The following ZCCHC7 variants were observed in gnomAD, a reference collection of about 807,000 sequenced individuals.
The protein encoded by ZCCHC7 is zinc finger CCHC domain-containing protein 7.
ZCCHC7 carries 35 observed loss-of-function variants against 52.0 expected under a neutral mutation model. That is an observed-to-expected ratio of 0.67 (90% CI 0.51 to 0.89). ZCCHC7 has a LOEUF of 0.89. Ranked by LOEUF, ZCCHC7 falls within the 40% of genes least tolerant of loss-of-function variation. The pLI, the probability that ZCCHC7 is intolerant of heterozygous loss-of-function variation, is 0.00. For missense variants in ZCCHC7, 574 were observed against 649.1 expected (o/e 0.88, Z 1.26); for synonymous variants, 217 against 221.5 (o/e 0.98, Z 0.18).
At chr9:37,247,716 C>T (rs1358203172) in intron 2 of ZCCHC7, among the ~76,000 whole-genome samples, 1 of 151,934 alleles carries the variant, frequency 6.6e-6, no homozygotes, top group Non-Finnish European at 1.5e-5. Flanking sequence ...TGAAACCAGC[C>T]TGGGCAACAC....
At chr9:37,311,657 G>A (rs1829607115) in intron 5 of ZCCHC7, among the ~76,000 whole-genome samples, 1 of 152,124 alleles carries the variant, frequency 6.6e-6, no homozygotes, top group African/African-American at 2.4e-5. Flanking sequence ...TGATCTGCCC[G>A]CCTTGGCCTC....
chr9:37,143,753 A>G (rs1242033113), intron 2 of ZCCHC7, among the ~76,000 whole-genome samples: 2 of 151,772 alleles, frequency 1.3e-5, no homozygotes, highest in African/African-American at 4.8e-5. Flanking sequence ...TTTATCCTAA[A>G]TTTAAGCCCT....
chr9:37,178,047 G>T (rs1347201294), intron 2 of ZCCHC7, among the ~76,000 whole-genome samples: 2 of 152,032 alleles, frequency 1.3e-5, no homozygotes, highest in Non-Finnish European at 2.9e-5. Flanking sequence ...ACTATTATAG[G>T]GGAAACTGGC....
At chr9:37,352,351 C>T (rs1220499830) in intron 7 of ZCCHC7, among the ~76,000 whole-genome samples, 1 of 152,078 alleles carries the variant, frequency 6.6e-6, no homozygotes. Flanking sequence ...CACTCACTCT[C>T]TAGCTGGGGA....
At chr9:37,232,648 A>G (rs1825461924) in intron 2 of ZCCHC7, among the ~76,000 whole-genome samples, 2 of 152,228 alleles carry the variant, frequency 1.3e-5, no homozygotes, top group Non-Finnish European at 2.9e-5. Flanking sequence ...TATGAAATTC[A>G]AATTTCACTG....
chr9:37,134,836 C>A (rs1842933841), intron 2 of ZCCHC7, among the ~76,000 whole-genome samples: 1 of 152,204 alleles, frequency 6.6e-6, no homozygotes, highest in East Asian at 1.9e-4. Context: ...AGTGATTCTT[C>A]TGCCTCAGCC....
intron 5 of ZCCHC7, among the ~76,000 whole-genome samples, chr9:37,325,518 G>T (rs1252572808): frequency 6.6e-6 from 1 of 152,090 alleles, no homozygotes; most frequent in Non-Finnish European, 1.5e-5. Context: ...ACATTTGGGT[G>T]CCATGGCATT....
intron 2 of ZCCHC7, among the ~76,000 whole-genome samples, chr9:37,232,235 C>G (rs1825442835): frequency 1.3e-5 from 2 of 152,108 alleles, no homozygotes; most frequent in Admixed American, 1.3e-4. Context: ...ATGCGGAAAC[C>G]AAGAATCTGA....
At chr9:37,221,228 C>T (rs1291983115) in intron 2 of ZCCHC7, among the ~76,000 whole-genome samples, 1 of 152,084 alleles carries the variant, frequency 6.6e-6, no homozygotes, top group Non-Finnish European at 1.5e-5. Context: ...GATTAATCCA[C>T]TGGTATGCAG....
intron 2 of ZCCHC7, among the ~76,000 whole-genome samples, chr9:37,180,934 T>A (rs1822316953): frequency 6.6e-6 from 1 of 152,170 alleles, no homozygotes; most frequent in African/African-American, 2.4e-5. Flanking sequence ...AAACAAATAT[T>A]TGGAGATTGT....
chr9:37,203,913 C>T (rs1466482024), intron 2 of ZCCHC7, among the ~76,000 whole-genome samples: 2 of 152,154 alleles, frequency 1.3e-5, no homozygotes, highest in Non-Finnish European at 2.9e-5. Context: ...AACTAATTTA[C>T]GCTCCCACTA....
At chr9:37,304,033 A>C (rs1829176141) in intron 3 of ZCCHC7, among the ~76,000 whole-genome samples, 155 bp from the exon 4 acceptor site, 1 of 152,232 alleles carries the variant, frequency 6.6e-6, no homozygotes, top group South Asian at 2.1e-4. Context: ...TTGAACAGAT[A>C]TAACTAATAA....
chr9:37,178,952 CTCT>C (rs1451774273), intron 2 of ZCCHC7, among the ~76,000 whole-genome samples: 11 of 152,252 alleles, frequency 7.2e-5, no homozygotes, highest in Middle Eastern at 3.4e-3. Flanking sequence ...TTTACTGTGT[CTCT>C]TCTTGTTAAA....
chr9:37,164,084 C>CT (rs994648962), intron 2 of ZCCHC7, among the ~76,000 whole-genome samples: 8 of 149,412 alleles, frequency 5.4e-5, no homozygotes, highest in African/African-American at 1.2e-4. Flanking sequence ...AATCCTCCAA[C>CT]TTTTTTTTTT....
At chr9:37,336,391 G>T (rs1219661966) in intron 6 of ZCCHC7, among the ~76,000 whole-genome samples, 6 of 152,134 alleles carry the variant, frequency 3.9e-5, no homozygotes, top group Non-Finnish European at 8.8e-5. Context: ...AAAAGCAAAA[G>T]AACATTACTT....
chr9:37,317,683 T>A (rs1282732883), intron 5 of ZCCHC7, among the ~76,000 whole-genome samples: 1 of 152,130 alleles, frequency 6.6e-6, no homozygotes, highest in Non-Finnish European at 1.5e-5. Context: ...GAAACTCACG[T>A]AGTATAACAT....
intron 2 of ZCCHC7, among the ~76,000 whole-genome samples, chr9:37,280,447 C>A (rs1236969995): frequency 6.6e-6 from 1 of 152,042 alleles, no homozygotes; most frequent in Non-Finnish European, 1.5e-5. Context: ...GCATTCTTTT[C>A]CAGTATACAT....
intron 2 of ZCCHC7, among the ~76,000 whole-genome samples, chr9:37,201,883 A>G (rs1485054952): frequency 6.6e-6 from 1 of 152,218 alleles, no homozygotes; most frequent in African/African-American, 2.4e-5. Flanking sequence ...GGCTTTGAAG[A>G]CACCACTTAT....
At chr9:37,338,772 AGTT>A (rs1025717026) in intron 6 of ZCCHC7, among the ~76,000 whole-genome samples, 2 of 151,926 alleles carry the variant, frequency 1.3e-5, no homozygotes, top group East Asian at 3.9e-4. Flanking sequence ...TACTTCATGT[AGTT>A]GTTTTTTGTT....
Sources: allele counts gnomAD v4.1 joint callset (sites outside exome capture counted in the v4.1 genomes callset), GRCh38; gene constraint gnomAD v4.1.1; transcripts MANE v1.5; gene names NCBI Gene and HGNC (gene_info 2026-07-23, HGNC 2026-07-21).